GNL3L: variants seen among roughly 807,000 people sequenced by gnomAD.
GNL3L encodes guanine nucleotide-binding protein-like 3-like protein.
A neutral mutation model predicts 42.9 loss-of-function variants in GNL3L; 4 were observed. That is an observed-to-expected ratio of 0.09 (90% CI 0.05 to 0.21). GNL3L has a LOEUF of 0.21. GNL3L is among the 10% of genes least tolerant of loss of function. The pLI, the probability that GNL3L is intolerant of heterozygous loss-of-function variation, is 1.00. For synonymous variants in GNL3L, 159 were observed against 176.3 expected (o/e 0.90, Z 0.78); for missense variants, 412 against 481.7 (o/e 0.86, Z 1.36).
the GNL3L span, among the ~76,000 whole-genome samples, chrX:54,627,756 A>G: frequency 8.9e-6 from 1 of 111,954 alleles, no homozygotes; most frequent in Admixed American, 9.5e-5. Context: ...TAATTTATTC[A>G]TTAACTCAAT....
chrX:54,606,717 T>G (rs1926066343), intron 16 of GNL3L, among the ~76,000 whole-genome samples: 1 of 108,022 alleles, frequency 9.3e-6, no homozygotes, highest in Admixed American at 1.0e-4. Flanking sequence ...CTTGGCTCAC[T>G]GTAGTCTCTG....
intron 16 of GNL3L, among the ~76,000 whole-genome samples, chrX:54,586,704 C>T (rs1925787250): frequency 8.9e-6 from 1 of 112,128 alleles, no homozygotes; most frequent in Admixed American, 9.4e-5. Flanking sequence ...ACGGCCTGGG[C>T]CTCATTTCAC....
chrX:54,599,686 T>C (rs1925979414), intron 16 of GNL3L, among the ~76,000 whole-genome samples: 1 of 110,971 alleles, frequency 9.0e-6, no homozygotes, highest in Admixed American at 9.6e-5. Context: ...ATAACATTAA[T>C]GTTATATATT....
At chrX:54,558,299 C>T in intron 14 of GNL3L, 137 bp from the exon 15 acceptor site, 1 of 468,745 alleles carries the variant, frequency 2.1e-6, no homozygotes, top group Non-Finnish European at 3.8e-6. Flanking sequence ...TGTGGTGGGG[C>T]CAGAATTGGA....
In GNL3L at chrX:54,562,474, A is replaced by G; in HGVS notation, c.*1872A>G. ...TGGCTGTGGACTGTTCAGGCAGGGA[A>G]GTACAAGACCACTCTTGTATTCAGG... On this transcript the variant is annotated 3_prime_UTR_variant, in exon 16 of 16. Transcript: ENST00000360845. Among the ~76,000 whole-genome samples, 1 of 111,592 alleles carries G rather than the reference A, an allele frequency of 9.0e-6. No homozygotes were observed. Among genetic ancestry groups the G allele is most frequent in the Non-Finnish European group, 1.9e-5 (1 of 53,137 alleles).
In GNL3L at chrX:54,563,321, C is replaced by A. The variant is rs190581616; in HGVS notation, c.*2719C>A. On this transcript the variant is annotated 3_prime_UTR_variant, in exon 16 of 16. Coordinates refer to ENST00000360845, the MANE Select transcript of GNL3L (RefSeq NM_001184819.2). ...TATGATGGGGCTACTTCCTGGTAAA[C>A]CCATTGTAATGTGCAAATTACGGGT... Among the ~76,000 whole-genome samples the A allele has an allele frequency of 9.0e-6, 1 of 111,664 alleles. No individual in the cohort carries two copies. Among genetic ancestry groups the A allele is most frequent in the African/African-American group, 3.3e-5 (1 of 30,768 alleles).
the GNL3L span, among the ~76,000 whole-genome samples, chrX:54,634,974 T>C: frequency 9.3e-6 from 1 of 107,996 alleles, no homozygotes; most frequent in Non-Finnish European, 1.9e-5. Context: ...GTATTTTTAG[T>C]AGAGACAGGG....
intron 16 of GNL3L, among the ~76,000 whole-genome samples, chrX:54,580,145 C>T (rs1244749001): frequency 1.6e-5 from 1 of 61,384 alleles, no homozygotes; most frequent in East Asian, 6.8e-4. Context: ...CTATCCCTCC[C>T]CCCTCCCCCC....
chrX:54,578,958 TTC>T (rs1453697258), intron 16 of GNL3L, among the ~76,000 whole-genome samples: 1 of 112,402 alleles, frequency 8.9e-6, no homozygotes, highest in African/African-American at 3.2e-5. Flanking sequence ...GAATATGCAT[TTC>T]TCTCGTGACT....
downstream of GNL3L, among the ~76,000 whole-genome samples, chrX:54,568,595 C>T (rs1925498357): frequency 9.2e-6 from 1 of 109,074 alleles, no homozygotes; most frequent in Non-Finnish European, 1.9e-5. Context: ...ACACTGTCGC[C>T]CAGGCTGTTG....
chrX:54,626,287 CGTTCT>C (rs1926363097), downstream of GNL3L, among the ~76,000 whole-genome samples: 10 of 111,372 alleles, frequency 9.0e-5, no homozygotes, highest in African/African-American at 3.3e-4. Flanking sequence ...CAGTATTTAT[CGTTCT>C]ATGCCTGACT....
chrX:54,605,694 C>T (rs765370208), intron 16 of GNL3L, among the ~76,000 whole-genome samples: 2 of 111,312 alleles, frequency 1.8e-5, no homozygotes, highest in African/African-American at 6.5e-5. Context: ...TTATTAGGGC[C>T]TGATCTTTCA....
In GNL3L at chrX:54,564,731, C is replaced by CTTT. The variant is rs781526946; in HGVS notation, c.*4147_*4149dup. 7.0e-5 allele frequency among the ~76,000 whole-genome samples: 5 copies of CTTT among 71,891 alleles called. No individual in the cohort carries two copies. Among genetic ancestry groups the CTTT allele is most frequent in the South Asian group, 6.6e-4 (1 of 1,510 alleles). The allele number at this position is 71,891 out of a possible 115,157, so 62.4% of individuals were successfully genotyped here. A position where few individuals can be genotyped will look rare whatever the true frequency, so the allele number is the denominator to read the frequency against. On this transcript the variant is annotated 3_prime_UTR_variant, in exon 16 of 16. Coordinates refer to ENST00000360845, the MANE Select transcript of GNL3L (RefSeq NM_001184819.2). Reference sequence around the variant, plus strand: ...TTTTTCTTTGTTCTTATATTTTTGTCTTTTTTTTTTTTTTTTTTTTGAAAC... The same window carrying CTTT: ...TTTTTCTTTGTTCTTATATTTTTGTCTTTTTTTTTTTTTTTTTTTTTTTGAAAC...
At chrX:54,554,520 CAG>C in intron 13 of GNL3L, 43 bp from the exon 14 acceptor site, 2 of 1,190,192 alleles carry the variant, frequency 1.7e-6, no homozygotes, top group South Asian at 3.6e-5. Context: ...GGGCTGGCAA[CAG>C]AGGGGAGCCA....
chrX:54,590,552 A>G (rs1205763848), intron 16 of GNL3L, among the ~76,000 whole-genome samples: 3 of 111,473 alleles, frequency 2.7e-5, no homozygotes, highest in Admixed American at 9.5e-5. Context: ...ATTTACAAAT[A>G]ATTTTCTCCC....
chrX:54,617,508 C>G (rs1173220999), intron 16 of GNL3L, among the ~76,000 whole-genome samples: 2 of 111,948 alleles, frequency 1.8e-5, no homozygotes, highest in African/African-American at 6.5e-5. Flanking sequence ...ACATTTATCT[C>G]TGTTGACAAT....
chrX:54,615,849 C>T (rs994909283), intron 16 of GNL3L, among the ~76,000 whole-genome samples: 10 of 111,355 alleles, frequency 9.0e-5, no homozygotes, highest in South Asian at 3.8e-4. Flanking sequence ...GGATTACAGG[C>T]GCCCACCACC....
rs751757792 is a variant in GNL3L at position 54,541,288 on chromosome X, GAGA to G, written c.208_210del (p.Lys70del). 9 of 1,202,156 alleles carry G rather than the reference GAGA, an allele frequency of 7.5e-6. No homozygotes were observed. The African/African-American group carries it at 8.8e-5, about 12-fold the overall frequency. The stretch of plus-strand genomic sequence containing the variant: ...CACTTGTTAGGTTGAGGAGATGAGG[GAGA>G]AGCAGCAAGCCGCCCGGGAGCAAGA... On this transcript the variant is annotated inframe_deletion, in exon 5 of 16. Transcript: ENST00000360845.
Position 54,545,373 on chromosome X carries a change from G to GT in GNL3L, c.630+1059dup, listed in dbSNP as rs201304612. On this transcript the variant is annotated intron_variant, in intron 8 of 15. Coordinates refer to ENST00000360845, the MANE Select transcript of GNL3L (RefSeq NM_001184819.2). ...AGCCAGGATTGTGGCTAAGTTTTGT[G>GT]TTTTTTTTTTTTAGTAGAGATAGGG... is the stretch of plus-strand genomic sequence containing the variant. Among the ~76,000 whole-genome samples the GT allele has an allele frequency of 1.7e-3, 169 of 98,252 alleles. 1 individual carries two copies. The South Asian group carries it at 0.024, about 14-fold the overall frequency. 85.3% of individuals were successfully genotyped at this position (98,252 alleles called of 115,157 possible).
Sources: gnomAD v4.1 joint callset for allele counts (sites outside exome capture counted in the v4.1 genomes callset) on GRCh38, gnomAD v4.1.1 for gene constraint, MANE v1.5 for transcripts, NCBI Gene and HGNC (gene_info 2026-07-23, HGNC 2026-07-21) for gene names.